NAGPA: variants seen among roughly 807,000 people sequenced by gnomAD.
NAGPA encodes the protein N-acetylglucosamine-1-phosphodiester alpha-N-acetylglucosaminidase, also known as alpha-N-acetylglucosaminyl phosphodiesterase.
Under a neutral mutation model 48.5 loss-of-function variants are expected in NAGPA, and 56 were observed. The observed-to-expected ratio is 1.15, with a 90% CI of 0.93 to 1.44. The LOEUF (loss-of-function observed/expected upper bound fraction) is 1.44, where lower values mean the gene tolerates loss of function less well. NAGPA is among the 40% of genes most tolerant of loss of function. NAGPA has a pLI of 0.00. For synonymous variants in NAGPA, 399 were observed against 315.5 expected (o/e 1.26, Z -2.81); for missense variants, 888 against 735.0 (o/e 1.21, Z -2.41).
chr16:5,027,241 C>T lies in NAGPA; in HGVS notation c.1276+37G>A, dbSNP rs201750668. ...CAGGCTGAAGGGGCCGGAGCAGGAG[C>T]GTCTGCCCATACCCCTCCCCTTGGA... On this transcript the variant is annotated intron_variant, in intron 8 of 9. Transcript: ENST00000312251. 47 of 1,614,140 alleles carry T rather than the reference C, an allele frequency of 2.9e-5. No individual in the cohort carries two copies. In the African/African-American group the frequency reaches 5.2e-4, roughly 18 times the overall value.
rs756669461 is a variant in NAGPA at position 5,027,992 on chromosome 16, G to C, written c.1114C>G (p.Leu372Val). ...CGPSNCSQHG[L>V]CTETGCRCDA... ...AACCCCCACTCACTCTCCGTGCACA[G>C]TCCGTGCTGGCTGCAGTTAGAGGGG... is the stretch of plus-strand genomic sequence containing the variant. Residue 372 changes from leucine (L) to valine (V), a missense_variant, in exon 6 of 10, where the codon CTG becomes GTG. Leu to Val is a conservative substitution (Grantham distance 32, BLOSUM62 1). Coordinates refer to ENST00000312251, the MANE Select transcript of NAGPA (RefSeq NM_016256.4). 3 of 1,587,348 alleles carry C rather than the reference G, an allele frequency of 1.9e-6. No homozygotes were observed. Among genetic ancestry groups the C allele is most frequent in the Non-Finnish European group, 2.6e-6 (3 of 1,167,642 alleles).
chr16:5,027,390 G>A lies in NAGPA; in HGVS notation c.1175-11C>T, dbSNP rs1336124649. ...AGCCAAGGGGACACTCTATGGAAAGGAGATGGGAGGAGGGAGGAGGGAGGA... is the reference window on the plus strand; with the variant it reads ...AGCCAAGGGGACACTCTATGGAAAGAAGATGGGAGGAGGGAGGAGGGAGGA... On this transcript the variant is annotated splice_polypyrimidine_tract_variant and intron_variant, in intron 7 of 9. Transcript: ENST00000312251. 2 of 1,588,574 alleles carry A rather than the reference G, an allele frequency of 1.3e-6. No individual in the cohort carries two copies. The highest frequency in any genetic ancestry group is 2.3e-5 in the East Asian group (1 of 44,114).
At chr16:5,027,530 G>T (rs929630964) in intron 7 of NAGPA, 151 bp from the exon 8 acceptor site, 66 of 833,964 alleles carry the variant, frequency 7.9e-5, no homozygotes, top group Non-Finnish European at 1.3e-4. Flanking sequence ...CCCTGGACTA[G>T]CCCCTGAACG....
chr16:5,032,621 G>C (rs1297150634), intron 2 of NAGPA, among the ~76,000 whole-genome samples: 1 of 151,978 alleles, frequency 6.6e-6, no homozygotes, highest in Non-Finnish European at 1.5e-5. Context: ...AGAGGTTGCA[G>C]TGAGCCGGTA....
At position 5,030,045 on chromosome 16, in the gene NAGPA, C is replaced by T. The variant is rs1460824303; in HGVS notation, c.791+340G>A. ...GGCTAGAAATGAGGCTCAGGGAGGC[C>T]GAGGGACTTGTCTACGGCATAGGTG... On this transcript the variant is annotated intron_variant, in intron 4 of 9. Transcript: ENST00000312251. 6 of 448,800 alleles carry T rather than the reference C, an allele frequency of 1.3e-5. No individual in the cohort carries two copies. In the East Asian group the frequency reaches 1.4e-4, roughly 10 times the overall value. The allele number at this position is 448,800 out of a possible 1,614,324, so 27.8% of individuals were successfully genotyped here. A position where few individuals can be genotyped will look rare whatever the true frequency, so the allele number is the denominator to read the frequency against.
In NAGPA at chr16:5,027,984, C is replaced by G. The variant is rs116864149; in HGVS notation, c.1122G>C (p.Thr374=). Residue 374 remains threonine (T), a synonymous_variant, in exon 6 of 10, where the codon ACG becomes ACC. Transcript: ENST00000312251. ...CTCCCCAGAACCCCCACTCACTCTC[C>G]GTGCACAGTCCGTGCTGGCTGCAGT... is the stretch of plus-strand genomic sequence containing the variant. ...PSNCSQHGLC[T]ETGCRCDAGW... The G allele has an allele frequency of 1.3e-5, 21 of 1,613,730 alleles. No homozygotes were observed. Among genetic ancestry groups the G allele is most frequent in the African/African-American group, 2.7e-5 (2 of 74,894 alleles).
chr16:5,028,014 G>T lies in NAGPA; in HGVS notation c.1092C>A (p.Pro364=). 6.2e-7 allele frequency: 1 copy of T among 1,613,514 alleles called. No homozygotes were observed. Among genetic ancestry groups the T allele is most frequent in the Non-Finnish European group, 8.5e-7 (1 of 1,179,888 alleles). ...ACAGTCCGTGCTGGCTGCAGTTAGA[G>T]GGGCCACAGTCCAGCTCATCACAGC... The part of the protein sequence containing the change: ...GPGCDELDCG[P]SNCSQHGLCT... Residue 364 remains proline, a synonymous_variant, in exon 6 of 10, where the codon CCC becomes CCA. Transcript: ENST00000312251.
chr16:5,031,981 TC>T, intron 2 of NAGPA, 97 bp from the exon 3 acceptor site: 1 of 1,550,300 alleles, frequency 6.5e-7, no homozygotes, highest in Admixed American at 1.7e-5. Flanking sequence ...GCTGCTAGAT[TC>T]CCCCTCATGC....
At chr16:5,032,395 C>G (rs1316053122) in intron 2 of NAGPA, among the ~76,000 whole-genome samples, 1 of 151,738 alleles carries the variant, frequency 6.6e-6, no homozygotes, top group Non-Finnish European at 1.5e-5. Flanking sequence ...GTGGCTCACA[C>G]CTGTCATCCC....
chr16:5,033,131 C>G lies in NAGPA; in HGVS notation c.542+142G>C. On this transcript the variant is annotated intron_variant, in intron 2 of 9. Coordinates refer to ENST00000312251, the MANE Select transcript of NAGPA (RefSeq NM_016256.4). The surrounding 1 kb of genome is among the most constrained non-coding windows in gnomAD (Gnocchi z 4.2). ...GATACTGGATGATGAATAAACTCTG[C>G]AAGGAAGCGATTCCTATCCCCATTC... is the stretch of plus-strand genomic sequence containing the variant. The G allele has an allele frequency of 1.0e-6, 1 of 992,806 alleles. No homozygotes were observed. The highest frequency in any genetic ancestry group is 1.5e-6 in the Non-Finnish European group (1 of 666,568). The allele number at this position is 992,806 out of a possible 1,614,324, so 61.5% of individuals were successfully genotyped here. A position where few individuals can be genotyped will look rare whatever the true frequency, so the allele number is the denominator to read the frequency against.
chr16:5,032,218 C>A (rs1321405305), intron 2 of NAGPA, among the ~76,000 whole-genome samples: 1 of 152,234 alleles, frequency 6.6e-6, no homozygotes, highest in Non-Finnish European at 1.5e-5. Flanking sequence ...CACTTGATCC[C>A]TGTTACGGCC....
At chr16:5,032,967 T>C (rs1223515371) in intron 2 of NAGPA, 3 of 504,246 alleles carry the variant, frequency 5.9e-6, no homozygotes, top group African/African-American at 3.9e-5. Flanking sequence ...CACACAGCAA[T>C]CAGAATGTAT....
rs1956134378 is a variant in NAGPA at position 5,033,215 on chromosome 16, T to C, written c.542+58A>G. 1 of 1,538,932 alleles carries C rather than the reference T, an allele frequency of 6.5e-7. No homozygotes were observed. The highest frequency in any genetic ancestry group is 8.7e-7 in the Non-Finnish European group (1 of 1,147,658). On this transcript the variant is annotated intron_variant, in intron 2 of 9. Coordinates refer to ENST00000312251, the MANE Select transcript of NAGPA (RefSeq NM_016256.4). This position sits in a 1 kb window ranked among gnomAD's most constrained non-coding sequence, Gnocchi z 4.2. ...AGTGACTTGAACACGGAGGCACGGCTACAACCCAAATCTCAGGCCCTCTGC... is the reference window on the plus strand; with the variant it reads ...AGTGACTTGAACACGGAGGCACGGCCACAACCCAAATCTCAGGCCCTCTGC...
intron 8 of NAGPA, 34 bp downstream of exon 8, chr16:5,027,244 C>A (rs960876341): frequency 3.1e-6 from 5 of 1,614,176 alleles, no homozygotes; most frequent in Non-Finnish European, 4.2e-6. Context: ...GCAGGAGCGT[C>A]TGCCCATACC....
At chr16:5,028,242 C>T (rs1367386235) in intron 5 of NAGPA, 57 bp from the exon 6 acceptor site, 10 of 1,548,622 alleles carry the variant, frequency 6.5e-6, no homozygotes, top group East Asian at 4.9e-5. Flanking sequence ...CCTCAACTCC[C>T]TCCAGGCTGC....
chr16:5,029,284 C>T (rs188707582), intron 4 of NAGPA: 17 of 481,734 alleles, frequency 3.5e-5, no homozygotes, highest in Admixed American at 1.3e-4. Flanking sequence ...GTGTTCAACA[C>T]AGAGAGCCTT....
In NAGPA at chr16:5,029,240, G is replaced by A. The variant is rs75122442; in HGVS notation, c.792-232C>T. ...ATCCTTAAGGGAGGGGAAACGGCCC[G>A]GAGGATCTGGGTGCAGCCACTGGAA... On this transcript the variant is annotated intron_variant, in intron 4 of 9. Transcript: ENST00000312251. 1.1e-3 allele frequency: 669 copies of A among 608,490 alleles called. 4 individuals carry two copies. The highest frequency in any genetic ancestry group is 9.9e-3 in the African/African-American group (538 of 54,364). 37.7% of individuals were successfully genotyped at this position (608,490 alleles called of 1,614,324 possible).
At position 5,025,353 on chromosome 16, in the gene NAGPA, G is replaced by T; in HGVS notation, c.*125C>A. 8.5e-7 allele frequency: 1 copy of T among 1,177,106 alleles called. No individual in the cohort carries two copies. Among genetic ancestry groups the T allele is most frequent in the South Asian group, 1.4e-5 (1 of 71,246 alleles). The allele number at this position is 1,177,106 out of a possible 1,614,324, so 72.9% of individuals were successfully genotyped here. A position where few individuals can be genotyped will look rare whatever the true frequency, so the allele number is the denominator to read the frequency against. On this transcript the variant is annotated 3_prime_UTR_variant, in exon 10 of 10. Coordinates refer to ENST00000312251, the MANE Select transcript of NAGPA (RefSeq NM_016256.4). The stretch of plus-strand genomic sequence containing the variant: ...GAGGCACAAGTGCTATCAGGAACTT[G>T]GCTGCCCCACAGGGGCTGAGGACAC...
Position 5,030,464 on chromosome 16 carries a change from A to T in NAGPA, c.712T>A (p.Ser238Thr), listed in dbSNP as rs1358453493. The change falls in exon 4 of 10, where the codon TCA becomes ACA. Residue 238 changes from serine to threonine, a missense_variant. Physicochemically the swap from Ser to Thr is moderately conservative, Grantham distance 58 (BLOSUM62 1). Transcript: ENST00000312251. ...GSFSKFVNVI[S>T]ARTAIGHDRK... The stretch of plus-strand genomic sequence containing the variant: ...TCGTGGCCAATGGCCGTCCTGGCTG[A>T]TATCACATTCACAAATTTGCTAAAG... The T allele has an allele frequency of 6.4e-7, 1 of 1,554,322 alleles. No individual in the cohort carries two copies.
Sources: allele counts gnomAD v4.1 joint callset (sites outside exome capture counted in the v4.1 genomes callset), GRCh38; gene constraint gnomAD v4.1.1; non-coding constraint Gnocchi (gnomAD v3.1); transcripts MANE v1.5; gene names NCBI Gene and HGNC (gene_info 2026-07-23, HGNC 2026-07-21).